TFB2M: variants seen among roughly 807,000 people sequenced by gnomAD.
The protein encoded by TFB2M is transcription factor B2, mitochondrial, also known as dimethyladenosine transferase 2, mitochondrial.
A neutral mutation model predicts 41.3 loss-of-function variants in TFB2M; 44 were observed. The observed-to-expected ratio is 1.07, with a 90% CI of 0.84 to 1.37. The LOEUF (loss-of-function observed/expected upper bound fraction) is 1.37, where lower values mean the gene tolerates loss of function less well. Ranked by LOEUF, TFB2M falls within the 40% of genes most tolerant of loss-of-function variation. The pLI is 0.00. For missense variants in TFB2M, 496 were observed against 490.2 expected (o/e 1.01, Z -0.11); for synonymous variants, 188 against 176.8 (o/e 1.06, Z -0.50).
chr1:246,550,576 T>C (rs189725798), intron 5 of TFB2M, among the ~76,000 whole-genome samples: 3 of 152,072 alleles, frequency 2.0e-5, no homozygotes, highest in Admixed American at 1.3e-4. Context: ...AGATCCACAT[T>C]GTAAATATTT....
At chr1:246,547,698 A>G (rs1275634656) in intron 6 of TFB2M, among the ~76,000 whole-genome samples, 2 of 151,972 alleles carry the variant, frequency 1.3e-5, no homozygotes, top group Non-Finnish European at 2.9e-5. Context: ...AACCTTAAAG[A>G]CAGGCATCTA....
intron 4 of TFB2M, among the ~76,000 whole-genome samples, chr1:246,551,920 G>T (rs995570230): frequency 6.6e-6 from 1 of 152,124 alleles, no homozygotes; most frequent in Non-Finnish European, 1.5e-5. Context: ...AGGTCCTGAG[G>T]CCCTCGCTGT....
At chr1:246,554,151 A>C (rs1659255671) in intron 4 of TFB2M, among the ~76,000 whole-genome samples, 1 of 152,236 alleles carries the variant, frequency 6.6e-6, no homozygotes, top group Non-Finnish European at 1.5e-5. Context: ...GAAGCTGGAC[A>C]CTGAAACCAT....
chr1:246,550,357 A>G (rs1659138819), intron 5 of TFB2M, among the ~76,000 whole-genome samples: 1 of 152,228 alleles, frequency 6.6e-6, no homozygotes, highest in South Asian at 2.1e-4. Context: ...GGAATGGAGA[A>G]AAATGATGAG....
At chr1:246,555,100 G>C (rs571859092) in intron 4 of TFB2M, among the ~76,000 whole-genome samples, 1 of 152,066 alleles carries the variant, frequency 6.6e-6, no homozygotes, top group South Asian at 2.1e-4. Flanking sequence ...TATTCAACAT[G>C]ACTAATTATT....
intron 4 of TFB2M, 46 bp downstream of exon 4, chr1:246,556,527 A>T (rs768696644): frequency 2.3e-5 from 31 of 1,371,766 alleles, no homozygotes; most frequent in Non-Finnish European, 2.9e-5. Context: ...ACTCAGAGAA[A>T]AATTACAGAC....
At chr1:246,545,331 C>A (rs1304159185) in intron 6 of TFB2M, among the ~76,000 whole-genome samples, 1 of 151,964 alleles carries the variant, frequency 6.6e-6, no homozygotes, top group Admixed American at 6.6e-5. Flanking sequence ...GAGTTCAAGA[C>A]CAGCCTGGAC....
chr1:246,553,636 C>G (rs1659243031), intron 4 of TFB2M, among the ~76,000 whole-genome samples: 1 of 140,950 alleles, frequency 7.1e-6, no homozygotes, highest in South Asian at 2.2e-4. Context: ...CCACTGCACT[C>G]CAGCCTGGGC....
Position 246,551,667 on chromosome 1 carries a change from G to C in TFB2M, c.706-365C>G, listed in dbSNP as rs144819489. Among the ~76,000 whole-genome samples the C allele has an allele frequency of 1.4e-3, 220 of 151,736 alleles. 3 individuals are homozygous for C. Among genetic ancestry groups the C allele is most frequent in the African/African-American group, 5.1e-3 (211 of 41,492 alleles). On this transcript the variant is annotated intron_variant, in intron 4 of 7. Transcript: ENST00000366514. ...GCCTAGAAGTTCAAGACCAGCCTGG[G>C]CAACATAGTGAGACCGCATCTCTTA...
intron 5 of TFB2M, among the ~76,000 whole-genome samples, chr1:246,549,909 C>G (rs11799569): frequency 6.6e-6 from 1 of 152,002 alleles, no homozygotes; most frequent in Non-Finnish European, 1.5e-5. Context: ...CACGCCTGGT[C>G]GAGCCTCAAC....
intron 6 of TFB2M, among the ~76,000 whole-genome samples, chr1:246,546,630 A>G (rs1469324965): frequency 7.4e-6 from 1 of 135,904 alleles, no homozygotes; most frequent in Non-Finnish European, 1.6e-5. Context: ...ATAAATAAAT[A>G]AAAAATAAAA....
intron 4 of TFB2M, among the ~76,000 whole-genome samples, chr1:246,553,678 A>AAAC (rs1011318918): frequency 1.3e-5 from 2 of 152,124 alleles, no homozygotes; most frequent in East Asian, 1.9e-4. Context: ...ACAAAAATGA[A>AAAC]AACAACAACA....
intron 6 of TFB2M, among the ~76,000 whole-genome samples, chr1:246,546,653 A>AG (rs1256067593): frequency 1.3e-5 from 2 of 151,752 alleles, no homozygotes; most frequent in African/African-American, 4.8e-5. Context: ...AGGAAAAAAA[A>AG]AAAAACCCAA....
chr1:246,547,129 G>A (rs183424369), intron 6 of TFB2M, among the ~76,000 whole-genome samples: 13 of 151,824 alleles, frequency 8.6e-5, no homozygotes, highest in African/African-American at 2.9e-4. Flanking sequence ...GACTACAGGC[G>A]CACGCCACCA....
chr1:246,550,037 C>T (rs1022826396), intron 5 of TFB2M, among the ~76,000 whole-genome samples: 14 of 152,166 alleles, frequency 9.2e-5, no homozygotes, highest in Admixed American at 8.5e-4. Context: ...AACGTTAGGT[C>T]CAGAAAGACC....
intron 6 of TFB2M, among the ~76,000 whole-genome samples, chr1:246,545,521 A>C (rs1658995878): frequency 6.6e-6 from 1 of 152,070 alleles, no homozygotes; most frequent in South Asian, 2.1e-4. Context: ...TCTTAAAAAA[A>C]CAAAAGGGCA....
At chr1:246,558,944 AGGC>A (rs2102989745) in intron 2 of TFB2M, among the ~76,000 whole-genome samples, 1 of 152,180 alleles carries the variant, frequency 6.6e-6, no homozygotes, top group South Asian at 2.1e-4. Flanking sequence ...ATCAGTAAGA[AGGC>A]ATTATGTTTT....
intron 6 of TFB2M, among the ~76,000 whole-genome samples, chr1:246,546,615 A>G (rs1430173555): frequency 1.3e-5 from 2 of 149,818 alleles, no homozygotes; most frequent in Non-Finnish European, 3.0e-5. Flanking sequence ...CTTTGCCTCA[A>G]AAAAATAAAT....
chr1:246,545,477 T>TGCACTCAA (rs1264373697), intron 6 of TFB2M, among the ~76,000 whole-genome samples: 1 of 151,904 alleles, frequency 6.6e-6, no homozygotes, highest in Non-Finnish European at 1.5e-5. Flanking sequence ...AGCATGCCAC[T>TGCACTCAA]GCACTCAAGG....
Sources: allele counts gnomAD v4.1 joint callset (sites outside exome capture counted in the v4.1 genomes callset), GRCh38; gene constraint gnomAD v4.1.1; transcripts MANE v1.5; gene names NCBI Gene and HGNC (gene_info 2026-07-23, HGNC 2026-07-21).